Variants in SMR3B observed in about 807,000 individuals in gnomAD.
The protein encoded by SMR3B is submaxillary gland androgen-regulated protein 3B.
For synonymous variants in SMR3B, 42 were observed against 36.1 expected (o/e 1.16, Z -0.59); for missense variants, 114 against 99.9 (o/e 1.14, Z -0.60).
chr4:70,389,545 C>T (rs1732723107), intron 2 of SMR3B, 118 bp from the exon 3 acceptor site: 1 of 1,030,776 alleles, frequency 9.7e-7, no homozygotes, highest in Admixed American at 2.3e-5. Context: ...CAGCATGTGC[C>T]AGCAGGGAGT....
chr4:70,389,936 G>C lies in SMR3B; in HGVS notation c.*88G>C, dbSNP rs1184130434. The C allele has an allele frequency of 6.2e-7, 1 of 1,601,240 alleles. No homozygotes were observed. Among genetic ancestry groups the C allele is most frequent in the Non-Finnish European group, 8.6e-7 (1 of 1,169,018 alleles). On this transcript the variant is annotated 3_prime_UTR_variant, in exon 3 of 3. Transcript: ENST00000304915. ...TCCACCTGGACCTCCATTTTTCCCT[G>C]TAAATTCTCCAACTGATCCTACCCT...
At chr4:70,388,591 C>T (rs750116058) in intron 2 of SMR3B, among the ~76,000 whole-genome samples, 15 of 152,150 alleles carry the variant, frequency 9.9e-5, no homozygotes, top group Non-Finnish European at 1.6e-4. Context: ...CAGGATTCCA[C>T]ACTCACCCAA....
At chr4:70,388,798 C>T (rs1577877387) in intron 2 of SMR3B, among the ~76,000 whole-genome samples, 1 of 152,256 alleles carries the variant, frequency 6.6e-6, no homozygotes, top group Middle Eastern at 3.4e-3. Flanking sequence ...AAAGTAGGTG[C>T]TCATGACGTC....
chr4:70,385,403 T>G (rs750340545), intron 2 of SMR3B, among the ~76,000 whole-genome samples: 1,652 of 133,652 alleles, frequency 0.012, 7 homozygotes, highest in Admixed American at 0.017. Context: ...ACTTTGTTTT[T>G]TTTTTTTTTT....
chr4:70,389,598 G>C (rs1732723757), intron 2 of SMR3B, 65 bp from the exon 3 acceptor site: 2 of 1,505,010 alleles, frequency 1.3e-6, no homozygotes, highest in African/African-American at 1.4e-5. Context: ...ACCACAGAAA[G>C]CATTCACCCT....
intron 2 of SMR3B, among the ~76,000 whole-genome samples, chr4:70,385,398 GTTTTTTTTTTTTT>G (rs71210170): frequency 9.3e-6 from 1 of 107,052 alleles, no homozygotes; most frequent in Admixed American, 1.0e-4. Flanking sequence ...CATCTACTTT[GTTTTTTTTTTTTT>G]TTTTTTTTTT....
intron 2 of SMR3B, among the ~76,000 whole-genome samples, chr4:70,386,284 A>AAG (rs1466545250): frequency 6.6e-6 from 1 of 151,456 alleles, no homozygotes; most frequent in Admixed American, 6.6e-5. Context: ...AAAAAAAAAA[A>AAG]AAAGAAAAAA....
intron 1 of SMR3B, among the ~76,000 whole-genome samples, chr4:70,383,829 A>G (rs1208587253): frequency 1.3e-5 from 2 of 152,100 alleles, no homozygotes; most frequent in African/African-American, 4.8e-5. Flanking sequence ...ATATTGTAAA[A>G]TTTGACCCAA....
At chr4:70,386,958 G>A (rs1253371470) in intron 2 of SMR3B, among the ~76,000 whole-genome samples, 1 of 152,130 alleles carries the variant, frequency 6.6e-6, no homozygotes, top group Non-Finnish European at 1.5e-5. Context: ...ACAAACATGA[G>A]GCCAGTTCTA....
Position 70,390,191 on chromosome 4 carries a change from C to A in SMR3B, c.*343C>A. ...TTAGAAAGAAATTGTAGAAAAAACC[C>A]ATGCAGACATAACATTTATACCAAT... is the stretch of plus-strand genomic sequence containing the variant. On this transcript the variant is annotated 3_prime_UTR_variant, in exon 3 of 3. Coordinates refer to ENST00000304915, the MANE Select transcript of SMR3B (RefSeq NM_006685.4). The A allele has an allele frequency of 1.7e-6, 1 of 587,800 alleles. No homozygotes were observed. Among genetic ancestry groups the A allele is most frequent in the East Asian group, 3.0e-5 (1 of 33,256 alleles). The allele number at this position is 587,800 out of a possible 1,614,324, so 36.4% of individuals were successfully genotyped here.
At chr4:70,383,791 A>T (rs2109759677) in intron 1 of SMR3B, among the ~76,000 whole-genome samples, 1 of 152,280 alleles carries the variant, frequency 6.6e-6, no homozygotes, top group East Asian at 1.9e-4. Context: ...TTGCTTTCCC[A>T]AAAATCAAGC....
chr4:70,388,786 A>C (rs1187107246), intron 2 of SMR3B, among the ~76,000 whole-genome samples: 1 of 152,128 alleles, frequency 6.6e-6, no homozygotes, highest in Non-Finnish European at 1.5e-5. Flanking sequence ...AGCTCATTGC[A>C]CAAAGTAGGT....
At chr4:70,386,272 C>CA (rs33979547) in intron 2 of SMR3B, among the ~76,000 whole-genome samples, 37,285 of 126,480 alleles carry the variant, frequency 0.29, 5,686 homozygotes, top group Admixed American at 0.37. Context: ...GACTCTATCT[C>CA]AAAAAAAAAA....
intron 2 of SMR3B, 135 bp from the exon 3 acceptor site, chr4:70,389,528 G>A (rs549559126): frequency 1.5e-4 from 123 of 837,786 alleles, no homozygotes; most frequent in Non-Finnish European, 2.0e-4. Flanking sequence ...ACCTGATAAG[G>A]TCAGGCCAGC....
chr4:70,390,191 C>G lies in SMR3B; in HGVS notation c.*343C>G. ...TTAGAAAGAAATTGTAGAAAAAACC[C>G]ATGCAGACATAACATTTATACCAAT... is the stretch of plus-strand genomic sequence containing the variant. On this transcript the variant is annotated 3_prime_UTR_variant, in exon 3 of 3. Transcript: ENST00000304915. 2 of 587,802 alleles carry G rather than the reference C, an allele frequency of 3.4e-6. No homozygotes were observed. The highest frequency in any genetic ancestry group is 6.1e-6 in the Non-Finnish European group (2 of 329,490). The allele number at this position is 587,802 out of a possible 1,614,324, so 36.4% of individuals were successfully genotyped here.
chr4:70,389,563 T>G, intron 2 of SMR3B, 100 bp from the exon 3 acceptor site: 1 of 1,252,216 alleles, frequency 8.0e-7, no homozygotes, highest in East Asian at 2.4e-5. Context: ...AGTAGAAATC[T>G]TGGGGCCATC....
chr4:70,384,759 C>A, intron 2 of SMR3B, 195 bp downstream of exon 2: 1 of 1,118,304 alleles, frequency 8.9e-7, no homozygotes. Context: ...GGCTGCCATA[C>A]TGGACAGCTC....
chr4:70,386,143 T>C (rs755679837), intron 2 of SMR3B, among the ~76,000 whole-genome samples: 9 of 151,478 alleles, frequency 5.9e-5, no homozygotes, highest in Non-Finnish European at 1.2e-4. Context: ...CATGATGGCA[T>C]GCACCTGTAA....
At chr4:70,389,139 A>G (rs1267426565) in intron 2 of SMR3B, among the ~76,000 whole-genome samples, 2 of 152,214 alleles carry the variant, frequency 1.3e-5, no homozygotes, top group Non-Finnish European at 2.9e-5. Flanking sequence ...AGTAGCATTA[A>G]AAACTCATTA....
Sources: allele counts gnomAD v4.1 joint callset (sites outside exome capture counted in the v4.1 genomes callset), GRCh38; gene constraint gnomAD v4.1.1; transcripts MANE v1.5; gene names NCBI Gene and HGNC (gene_info 2026-07-23, HGNC 2026-07-21).